The following ROS1 variants were observed in gnomAD, a reference collection of about 807,000 sequenced individuals.
The protein encoded by ROS1 is proto-oncogene tyrosine-protein kinase ROS.
Under a neutral mutation model 273.5 loss-of-function variants are expected in ROS1, and 263 were observed. The ratio of observed to expected loss-of-function variants is 0.96; its 90% CI spans 0.87 to 1.06. ROS1 has a LOEUF of 1.06. ROS1 is among the 50% of genes least tolerant of loss of function. ROS1 has a pLI of 0.00. For synonymous variants in ROS1, 1,008 were observed against 954.1 expected, an observed-to-expected ratio of 1.06 and a Z score of -1.04; for missense variants, 2,833 against 2,751.1, an observed-to-expected ratio of 1.03 and a Z score of -0.67.
At chr6:117,415,190 C>A (rs1208079099) in intron 3 of ROS1, among the ~76,000 whole-genome samples, 1 of 152,160 alleles carries the variant, frequency 6.6e-6, no homozygotes, top group Non-Finnish European at 1.5e-5. Flanking sequence ...TATTTAATAG[C>A]CACTAAGTCC....
At chr6:117,293,336 C>T (rs1773975662) in intron 43 of ROS1, among the ~76,000 whole-genome samples, 1 of 152,150 alleles carries the variant, frequency 6.6e-6, no homozygotes, top group South Asian at 2.1e-4. Flanking sequence ...TGCTGGAGAA[C>T]CTACTACAGA....
chr6:117,374,920 T>C (rs1441430699), intron 18 of ROS1, among the ~76,000 whole-genome samples: 1 of 152,306 alleles, frequency 6.6e-6, no homozygotes, highest in East Asian at 1.9e-4. Context: ...AAAGTAGATC[T>C]ACCATTTGAT....
intron 43 of ROS1, chr6:117,299,319 G>T (rs1021477831): frequency 1.3e-5 from 2 of 152,202 alleles, no homozygotes; most frequent in African/African-American, 4.8e-5. Flanking sequence ...TGGGCTTCTT[G>T]TTTTTATCTG....
At chr6:117,341,102 A>G (rs746633016) in intron 31 of ROS1, 33 bp downstream of exon 31, 15 of 1,427,412 alleles carry the variant, frequency 1.1e-5, no homozygotes, top group Non-Finnish European at 1.5e-5. Context: ...TTTATTCTAT[A>G]TCATAAAATA....
At chr6:117,411,959 G>T (rs952719007) in intron 4 of ROS1, among the ~76,000 whole-genome samples, 9 of 152,224 alleles carry the variant, frequency 5.9e-5, no homozygotes, top group African/African-American at 2.2e-4. Flanking sequence ...ACTAGGCAGA[G>T]AAGGAGACTT....
At chr6:117,325,961 A>G (rs116762303) in intron 34 of ROS1, among the ~76,000 whole-genome samples, 2,910 of 151,822 alleles carry the variant, frequency 0.019, 81 homozygotes, top group African/African-American at 0.064. Context: ...AATTAGGAGC[A>G]TGGAATTGAT....
rs557207188 is a variant in ROS1, at chr6:117,385,719, C to A, written c.2253G>T (p.Leu751=). 7 of 1,614,054 alleles carry A rather than the reference C, an allele frequency of 4.3e-6. No individual in the cohort carries two copies. The South Asian group carries it at 7.7e-5, about 18-fold the overall frequency. The change falls in exon 16 of 44, where the codon CTG becomes CTT. Residue 751 remains leucine, a synonymous_variant. Transcript: ENST00000368507. ...AGAGALAFEW[L]GHFLYWAGKT... ...TTCCAGCCCAGTAGAGAAAGTGACC[C>A]AGCCACTCAAAAGCTAAAGCCCCTG...
chr6:117,349,042 T>C (rs575396351), intron 27 of ROS1, among the ~76,000 whole-genome samples: 23 of 152,158 alleles, frequency 1.5e-4, no homozygotes, highest in Admixed American at 2.6e-4. Flanking sequence ...ATGTTTATTC[T>C]GCTGTTGTTG....
At chr6:117,304,306 A>G (rs1304165481) in intron 42 of ROS1, among the ~76,000 whole-genome samples, 1 of 152,264 alleles carries the variant, frequency 6.6e-6, no homozygotes, top group Non-Finnish European at 1.5e-5. Context: ...AATTTAAAAA[A>G]TAAAGTAGAG....
intron 43 of ROS1, 31 bp from the exon 44 acceptor site, chr6:117,288,833 A>C (rs1286767924): frequency 6.7e-7 from 1 of 1,497,202 alleles, no homozygotes; most frequent in African/African-American, 1.4e-5. Context: ...TTATTCTAGC[A>C]TGTATTTAAT....
At chr6:117,392,549 CAATA>C (rs1191986076) in intron 12 of ROS1, among the ~76,000 whole-genome samples, 2 of 152,110 alleles carry the variant, frequency 1.3e-5, no homozygotes, top group East Asian at 3.8e-4. Flanking sequence ...AATACATGCA[CAATA>C]AATACCTCAT....
At position 117,308,770 on chromosome 6, in the gene ROS1, C is replaced by T. The variant is rs746587328; in HGVS notation, c.6551+24G>A. 1.9e-6 allele frequency: 3 copies of T among 1,608,300 alleles called. No individual in the cohort carries two copies. In the South Asian group the frequency reaches 3.3e-5, roughly 18 times the overall value. Reference sequence around the variant, plus strand: ...TGCACATGTTTTTGTTTGGGGGATACATATGTTAACATAATTAACTTACAG... The same window carrying T: ...TGCACATGTTTTTGTTTGGGGGATATATATGTTAACATAATTAACTTACAG... On this transcript the variant is annotated intron_variant, in intron 42 of 43. Coordinates refer to ENST00000368507, the MANE Select transcript of ROS1 (RefSeq NM_001378902.1).
rs559726522 is a variant in ROS1, at chr6:117,288,572, C to T, written c.6946G>A (p.Ala2316Thr). Residue 2316 changes from alanine to threonine, a missense_variant, in exon 44 of 44, where the codon GCT becomes ACT. Coordinates refer to ENST00000368507, the MANE Select transcript of ROS1 (RefSeq NM_001378902.1). Reference sequence around the variant, plus strand: ...TCAGGCTTGCCAGAAGGGCAGTAAGCCACTTGTTTTTCTTGGCAGAAATCT... The same window carrying T: ...TCAGGCTTGCCAGAAGGGCAGTAAGTCACTTGTTTTTCTTGGCAGAAATCT... ...DKDFCQEKQV[A>T]YCPSGKPEGL... 3 of 1,614,124 alleles carry T rather than the reference C, an allele frequency of 1.9e-6. No individual in the cohort carries two copies. Among genetic ancestry groups the T allele is most frequent in the Middle Eastern group, 1.6e-4 (1 of 6,062 alleles).
intron 24 of ROS1, among the ~76,000 whole-genome samples, chr6:117,358,502 C>T (rs1161179821): frequency 6.6e-6 from 1 of 151,932 alleles, no homozygotes; most frequent in Non-Finnish European, 1.5e-5. Context: ...GGCGGTAACC[C>T]AGGCTGGAGT....
intron 37 of ROS1, among the ~76,000 whole-genome samples, chr6:117,318,498 T>C (rs1050664956): frequency 6.6e-6 from 1 of 152,166 alleles, no homozygotes; most frequent in Admixed American, 6.6e-5. Flanking sequence ...AAGGTAGAAA[T>C]TTTAAGAGAC....
chr6:117,402,895 A>G (rs1291049468), intron 7 of ROS1, among the ~76,000 whole-genome samples: 2 of 151,704 alleles, frequency 1.3e-5, no homozygotes, highest in African/African-American at 4.8e-5. Context: ...CTCCAAAAAA[A>G]AAAAAAAAAA....
intron 32 of ROS1, among the ~76,000 whole-genome samples, chr6:117,335,210 A>T (rs1048385005): frequency 5.3e-5 from 8 of 152,216 alleles, no homozygotes; most frequent in African/African-American, 1.9e-4. Flanking sequence ...TCAAAAAGGG[A>T]TTTATGCAGC....
At chr6:117,352,381 C>A (rs567671751) in intron 27 of ROS1, among the ~76,000 whole-genome samples, 4 of 152,230 alleles carry the variant, frequency 2.6e-5, no homozygotes, top group Non-Finnish European at 4.4e-5. Flanking sequence ...GGAATCATTG[C>A]ACTGTACAAA....
intron 7 of ROS1, 105 bp downstream of exon 7, chr6:117,403,034 C>T (rs1219530493): frequency 1.6e-5 from 20 of 1,288,094 alleles, no homozygotes; most frequent in South Asian, 1.5e-4. Context: ...TTGAATGGAT[C>T]GATTAATAGG....
Sources: allele counts gnomAD v4.1 joint callset (sites outside exome capture counted in the v4.1 genomes callset), GRCh38; gene constraint gnomAD v4.1.1; transcripts MANE v1.5; gene names NCBI Gene and HGNC (gene_info 2026-07-23, HGNC 2026-07-21).